Variants in CD9 observed in about 807,000 individuals in gnomAD.
CD9 encodes CD9 antigen.
A neutral mutation model predicts 31.4 loss-of-function variants in CD9; 10 were observed. The ratio of observed to expected loss-of-function variants is 0.32; its 90% CI spans 0.20 to 0.54. The LOEUF is 0.54. Among genes scored for constraint, CD9 ranks in the 20% least tolerant of loss-of-function variants. The pLI is 0.94. For synonymous variants in CD9, 113 were observed against 114.1 expected, an observed-to-expected ratio of 0.99 and a Z score of 0.06; for missense variants, 259 against 300.1, an observed-to-expected ratio of 0.86 and a Z score of 1.01.
chr12:6,211,202 G>C (rs368720639), intron 1 of CD9, among the ~76,000 whole-genome samples: 7 of 152,174 alleles, frequency 4.6e-5, no homozygotes, highest in East Asian at 3.8e-4. Context: ...TACCTCTTTG[G>C]TGGGCCTATT....
chr12:6,223,618 A>G (rs963309448), intron 1 of CD9, among the ~76,000 whole-genome samples: 2 of 152,138 alleles, frequency 1.3e-5, no homozygotes, highest in Admixed American at 6.5e-5. Context: ...AGGACTTGCC[A>G]TGTACAGAGT....
chr12:6,220,372 A>G (rs1465552332), intron 1 of CD9, among the ~76,000 whole-genome samples: 2 of 152,174 alleles, frequency 1.3e-5, no homozygotes, highest in Non-Finnish European at 2.9e-5. Flanking sequence ...ATCCCAAGAC[A>G]TAAGGATTCA....
At chr12:6,237,397 A>G (rs1220236798) in intron 7 of CD9, among the ~76,000 whole-genome samples, 1 of 152,210 alleles carries the variant, frequency 6.6e-6, no homozygotes, top group Non-Finnish European at 1.5e-5. Context: ...GAAAAAAAAA[A>G]GAGTATTAAA....
At chr12:6,220,807 C>A (rs1342984970) in intron 1 of CD9, among the ~76,000 whole-genome samples, 1 of 152,234 alleles carries the variant, frequency 6.6e-6, no homozygotes, top group Admixed American at 6.5e-5. Context: ...CCCCAGTTTC[C>A]CCTATTGTAC....
At chr12:6,236,134 G>C in intron 6 of CD9, 58 bp from the exon 7 acceptor site, 1 of 1,605,328 alleles carries the variant, frequency 6.2e-7, no homozygotes, top group Non-Finnish European at 8.5e-7. Context: ...ATGGGAGGGA[G>C]GAGGTGCCCT....
chr12:6,203,410 GC>G (rs1329647596), intron 1 of CD9, among the ~76,000 whole-genome samples: 3 of 152,178 alleles, frequency 2.0e-5, no homozygotes, highest in African/African-American at 7.2e-5. Context: ...CCTGATGTGG[GC>G]CTTGAAAAGC....
At chr12:6,225,600 G>A in intron 2 of CD9, 66 bp downstream of exon 2, 1 of 1,033,964 alleles carries the variant, frequency 9.7e-7, no homozygotes, top group East Asian at 2.4e-5. Flanking sequence ...CAACTTTGGA[G>A]GCCCCATGTT....
In CD9 at chr12:6,238,094, G is replaced by A; in HGVS notation, c.*266G>A. On this transcript the variant is annotated 3_prime_UTR_variant, in exon 8 of 8. Coordinates refer to ENST00000009180, the MANE Select transcript of CD9 (RefSeq NM_001769.4). Reference sequence around the variant, plus strand: ...TGTTTGTTTTTGCTTGTTATATTAAGCAGAAATCCTGCAATGAAAGGTACT... The same window carrying A: ...TGTTTGTTTTTGCTTGTTATATTAAACAGAAATCCTGCAATGAAAGGTACT... 2.8e-6 allele frequency: 1 copy of A among 351,206 alleles called. No individual in the cohort carries two copies. Among genetic ancestry groups the A allele is most frequent in the Admixed American group, 4.6e-5 (1 of 21,590 alleles). 21.8% of individuals were successfully genotyped at this position (351,206 alleles called of 1,614,324 possible). A position where few individuals can be genotyped will look rare whatever the true frequency, so the allele number is the denominator to read the frequency against.
intron 1 of CD9, among the ~76,000 whole-genome samples, chr12:6,215,284 A>C (rs1565421559): frequency 6.6e-6 from 1 of 152,166 alleles, no homozygotes; most frequent in Non-Finnish European, 1.5e-5. Flanking sequence ...TTAGAAAGCT[A>C]TTCTCTGGAT....
chr12:6,210,573 G>A (rs184770031), intron 1 of CD9, among the ~76,000 whole-genome samples: 4 of 152,238 alleles, frequency 2.6e-5, no homozygotes, highest in African/African-American at 9.6e-5. Flanking sequence ...GAGGAGGCGC[G>A]TCTGCAAGCT....
intron 7 of CD9, among the ~76,000 whole-genome samples, chr12:6,237,090 C>T (rs1427370557): frequency 6.6e-6 from 1 of 152,130 alleles, no homozygotes; most frequent in Non-Finnish European, 1.5e-5. Context: ...AGCAATTATC[C>T]AGCCTCAGCC....
At chr12:6,223,598 G>C (rs575293609) in intron 1 of CD9, among the ~76,000 whole-genome samples, 2 of 151,954 alleles carry the variant, frequency 1.3e-5, no homozygotes, top group Admixed American at 1.3e-4. Context: ...CCTGGGGGGG[G>C]ACCCAGGCCA....
intron 2 of CD9, among the ~76,000 whole-genome samples, chr12:6,231,845 T>C (rs558250377): frequency 6.6e-6 from 1 of 152,316 alleles, no homozygotes; most frequent in East Asian, 1.9e-4. Context: ...TAGCATGCTA[T>C]AGAGATCTTT....
At chr12:6,212,665 G>A (rs1183704473) in intron 1 of CD9, among the ~76,000 whole-genome samples, 1 of 152,376 alleles carries the variant, frequency 6.6e-6, no homozygotes. Context: ...GGAATCCAGG[G>A]AAATAGGCAC....
chr12:6,222,816 C>T (rs749535360), intron 1 of CD9, among the ~76,000 whole-genome samples: 13 of 152,208 alleles, frequency 8.5e-5, no homozygotes, highest in African/African-American at 2.4e-4. Context: ...AGCTCCTGCT[C>T]GTGAGAGGCT....
Position 6,237,794 on chromosome 12 carries a change from G to A in CD9, c.653G>A (p.Cys218Tyr). 6.2e-7 allele frequency: 1 copy of A among 1,613,598 alleles called. No homozygotes were observed. ...IFGMIFSMILCCAIRRNREMV is the reference protein window; with the variant it reads ...IFGMIFSMILYCAIRRNREMV ...GGCATGATCTTCAGTATGATCTTGT[G>A]CTGTGCTATCCGCAGGAACCGCGAG... Residue 218 changes from cysteine (C) to tyrosine (Y), a missense_variant, in exon 8 of 8, where the codon TGC (cysteine) becomes TAC (tyrosine). Cys to Tyr is a radical substitution (Grantham distance 194). Coordinates refer to ENST00000009180, the MANE Select transcript of CD9 (RefSeq NM_001769.4).
intron 2 of CD9, among the ~76,000 whole-genome samples, chr12:6,229,216 T>C (rs1946409173): frequency 6.6e-6 from 1 of 152,196 alleles, no homozygotes; most frequent in African/African-American, 2.4e-5. Context: ...TGAGGGCATC[T>C]AGGGGGGCTC....
chr12:6,217,864 T>C (rs1293351563), intron 1 of CD9, among the ~76,000 whole-genome samples: 5 of 152,200 alleles, frequency 3.3e-5, no homozygotes, highest in Admixed American at 2.6e-4. Context: ...TGAGCAATGA[T>C]CTGCTCTCCA....
At chr12:6,235,878 A>G in intron 6 of CD9, 2 of 1,367,308 alleles carry the variant, frequency 1.5e-6, no homozygotes, top group Non-Finnish European at 1.9e-6. Context: ...TCCTGTCTGT[A>G]AGCCAGAGTT....
Sources: allele counts gnomAD v4.1 joint callset (sites outside exome capture counted in the v4.1 genomes callset), GRCh38; gene constraint gnomAD v4.1.1; transcripts MANE v1.5; gene names NCBI Gene and HGNC (gene_info 2026-07-23, HGNC 2026-07-21).